The following F13A1 variants were observed in gnomAD, a reference collection of about 807,000 sequenced individuals.
F13A1 encodes coagulation factor XIII A chain, also known as FSF, A subunit.
F13A1 carries 47 observed loss-of-function variants against 80.1 expected under a neutral mutation model. The ratio of observed to expected loss-of-function variants is 0.59; its 90% confidence interval spans 0.46 to 0.75. The LOEUF (loss-of-function observed/expected upper bound fraction) is 0.75. F13A1 is among the 30% of genes least tolerant of loss of function. The pLI, the probability that F13A1 is intolerant of heterozygous loss-of-function variation, is 0.00. For synonymous variants in F13A1, 349 were observed against 344.9 expected (o/e 1.01, Z -0.13); for missense variants, 817 against 930.4 (o/e 0.88, Z 1.59).
intron 10 of F13A1, among the ~76,000 whole-genome samples, chr6:6,186,247 T>C (rs1761078514): frequency 6.6e-6 from 1 of 151,142 alleles, no homozygotes; most frequent in African/African-American, 2.4e-5. Context: ...TTTGTCAATT[T>C]TGGCTTTTGT....
Position 6,235,387 on chromosome 6 carries a change from T to TA in F13A1, c.799-10528dup, listed in dbSNP as rs1436050455. ...GATATTTGTAAATCCTTTATCTGATTAAAAAGAAAAAACTTGTATCCAGAA... is the reference window on the plus strand; with the variant it reads ...GATATTTGTAAATCCTTTATCTGATTAAAAAAGAAAAAACTTGTATCCAGAA... On this transcript the variant is annotated intron_variant, in intron 6 of 14. Coordinates refer to ENST00000264870, the MANE Select transcript of F13A1 (RefSeq NM_000129.4). 7.1e-3 allele frequency among the ~76,000 whole-genome samples: 1,082 copies of TA among 151,848 alleles called. 10 individuals carry two copies. Among genetic ancestry groups the TA allele is most frequent in the African/African-American group, 0.025 (1,038 of 41,388 alleles).
chr6:6,146,677 A>G (rs1185899109), intron 14 of F13A1, among the ~76,000 whole-genome samples: 3 of 152,204 alleles, frequency 2.0e-5, no homozygotes, highest in Non-Finnish European at 4.4e-5. Context: ...AGAAAAATGG[A>G]AGGTAACCAG....
intron 6 of F13A1, among the ~76,000 whole-genome samples, chr6:6,245,435 G>A (rs1757541707): frequency 6.6e-6 from 1 of 152,158 alleles, no homozygotes. Flanking sequence ...TGTTGGTCAG[G>A]CTGGTCTTGA....
intron 4 of F13A1, among the ~76,000 whole-genome samples, chr6:6,256,893 C>T (rs563212779): frequency 1.3e-5 from 2 of 151,700 alleles, no homozygotes; most frequent in African/African-American, 4.9e-5. Context: ...CAAAGGGAGC[C>T]CAGGAATTAA....
chr6:6,233,651 G>T (rs1757379381), intron 6 of F13A1, among the ~76,000 whole-genome samples: 1 of 151,856 alleles, frequency 6.6e-6, no homozygotes, highest in South Asian at 2.1e-4. Context: ...ACCAAAAAAG[G>T]AAACTACAGA....
At chr6:6,305,078 T>G in intron 3 of F13A1, 1 of 485,328 alleles carries the variant, frequency 2.1e-6, no homozygotes. Flanking sequence ...CCAAAACCAT[T>G]TGTTTGAGGA....
intron 4 of F13A1, among the ~76,000 whole-genome samples, chr6:6,265,068 C>T (rs980986216): frequency 1.3e-5 from 2 of 152,058 alleles, no homozygotes; most frequent in African/African-American, 4.8e-5. Flanking sequence ...CGAGACCAGC[C>T]TGGACAACAT....
At chr6:6,209,638 T>C (rs1423352786) in intron 8 of F13A1, among the ~76,000 whole-genome samples, 1 of 152,220 alleles carries the variant, frequency 6.6e-6, no homozygotes, top group Non-Finnish European at 1.5e-5. Context: ...ACCTGGTTTA[T>C]CCACACAATG....
chr6:6,174,283 G>T (rs1024061478), intron 12 of F13A1, among the ~76,000 whole-genome samples: 1 of 152,034 alleles, frequency 6.6e-6, no homozygotes, highest in African/African-American at 2.4e-5. Flanking sequence ...CCAGCTACTC[G>T]GGAGGCTGAG....
At chr6:6,148,408 A>G (rs1760321542) in intron 14 of F13A1, among the ~76,000 whole-genome samples, 1 of 152,046 alleles carries the variant, frequency 6.6e-6, no homozygotes, top group African/African-American at 2.4e-5. Flanking sequence ...GGGTTCAATA[A>G]CCCCTGCCTT....
intron 3 of F13A1, among the ~76,000 whole-genome samples, chr6:6,294,748 TTTA>T (rs1758294397): frequency 1.3e-5 from 2 of 151,830 alleles, no homozygotes; most frequent in South Asian, 2.1e-4. Flanking sequence ...AATTTATTTA[TTTA>T]TTATTATAAT....
chr6:6,224,311 G>C (rs773764012), intron 7 of F13A1, among the ~76,000 whole-genome samples: 2 of 151,994 alleles, frequency 1.3e-5, no homozygotes, highest in African/African-American at 2.4e-5. Flanking sequence ...TGATAAATAA[G>C]CAATATATAT....
intron 13 of F13A1, among the ~76,000 whole-genome samples, chr6:6,155,731 G>C (rs989362092): frequency 6.6e-6 from 1 of 152,174 alleles, no homozygotes; most frequent in Admixed American, 6.5e-5. Context: ...CCAACACATA[G>C]TGTTTTCACG....
chr6:6,209,118 AAAG>A (rs1761550409), intron 8 of F13A1, among the ~76,000 whole-genome samples: 1 of 152,186 alleles, frequency 6.6e-6, no homozygotes, highest in Non-Finnish European at 1.5e-5. Flanking sequence ...CAGAACATAT[AAAG>A]AATAGTTACA....
chr6:6,241,722 G>A (rs777972624), intron 6 of F13A1, among the ~76,000 whole-genome samples: 6 of 152,068 alleles, frequency 3.9e-5, no homozygotes, highest in Non-Finnish European at 7.4e-5. Context: ...AAACTGTTAC[G>A]AAAGTACCTT....
At chr6:6,281,647 C>T (rs1474000847) in intron 3 of F13A1, among the ~76,000 whole-genome samples, 1 of 152,126 alleles carries the variant, frequency 6.6e-6, no homozygotes, top group African/African-American at 2.4e-5. Context: ...ACACAGAGCA[C>T]ACTGTTGGCA....
At chr6:6,199,409 G>A (rs1018791816) in intron 8 of F13A1, among the ~76,000 whole-genome samples, 3 of 151,814 alleles carry the variant, frequency 2.0e-5, no homozygotes, top group Non-Finnish European at 4.4e-5. Flanking sequence ...AGAATGGCGT[G>A]AACCCGGGAG....
chr6:6,320,402 G>T (rs1758758814), intron 1 of F13A1, among the ~76,000 whole-genome samples, 185 bp downstream of exon 1: 1 of 152,202 alleles, frequency 6.6e-6, no homozygotes, highest in South Asian at 2.1e-4. Context: ...GAGAAGTCCC[G>T]CTTAGAAGCT....
intron 2 of F13A1, among the ~76,000 whole-genome samples, chr6:6,314,913 C>G (rs1452369255): frequency 1.3e-5 from 2 of 152,210 alleles, no homozygotes; most frequent in Non-Finnish European, 2.9e-5. Flanking sequence ...GAGGTTTACT[C>G]TGCACAAAGA....
Sources: allele counts gnomAD v4.1 joint callset (sites outside exome capture counted in the v4.1 genomes callset), GRCh38; gene constraint gnomAD v4.1.1; transcripts MANE v1.5; gene names NCBI Gene and HGNC (gene_info 2026-07-23, HGNC 2026-07-21).